ARHGAP21: variants seen among roughly 807,000 people sequenced by gnomAD.
The protein encoded by ARHGAP21 is Rho GTPase activating protein 21, also known as rho GTPase-activating protein 21.
In ARHGAP21, 38 loss-of-function variants were observed where a neutral mutation model predicts 164.6. The observed-to-expected ratio is 0.23, with a 90% CI of 0.18 to 0.30. The LOEUF is 0.30. Ranked by LOEUF, ARHGAP21 falls within the 10% of genes least tolerant of loss-of-function variation. The probability of loss-of-function intolerance (pLI) is 1.00; values close to 1 mark genes in which losing one functional copy is unlikely to be tolerated. For synonymous variants in ARHGAP21, 766 were observed against 857.9 expected, an observed-to-expected ratio of 0.89 and a Z score of 1.87; for missense variants, 1,822 against 2,370.7, an observed-to-expected ratio of 0.77 and a Z score of 4.81.
chr10:24,690,837 A>AAAT (rs1555011111), intron 2 of ARHGAP21, among the ~76,000 whole-genome samples: 8 of 147,204 alleles, frequency 5.4e-5, no homozygotes, highest in African/African-American at 1.7e-4. Flanking sequence ...CAAAAAAAAA[A>AAAT]ATATATATAT....
At chr10:24,628,952 C>CACTATATATATATATATA (rs1554977802) in intron 7 of ARHGAP21, 2 of 13,764 alleles carry the variant, frequency 1.5e-4, no homozygotes, top group Non-Finnish European at 2.2e-4. Flanking sequence ...CACACACACA[C>CACTATATATATATATATA]TATATATATA....
rs1379956006 is a variant in ARHGAP21, at chr10:24,723,858, C to T, written c.-677G>A. ...GCCGGGCCGGGCCGGGGCCCAGCTC[C>T]GGCGCCCGCGAACGCCAAGTGACAG... On this transcript the variant is annotated 5_prime_UTR_variant, in exon 1 of 26. Coordinates refer to ENST00000396432, the MANE Select transcript of ARHGAP21 (RefSeq NM_020824.4). Among the ~76,000 whole-genome samples, 1 of 150,786 alleles carries T rather than the reference C, an allele frequency of 6.6e-6. No individual in the cohort carries two copies. Among genetic ancestry groups the T allele is most frequent in the East Asian group, 2.0e-4 (1 of 5,080 alleles).
intron 7 of ARHGAP21, chr10:24,628,970 ATATATATATATATTTTTTTT>A (rs1565054539): frequency 1.4e-4 from 2 of 14,022 alleles, no homozygotes; most frequent in East Asian, 1.8e-3. Context: ...ATATATATAT[ATATATATATATATTTTTTTT>A]TTTTTTTTTT....
At chr10:24,592,686 TG>T (rs1396577781) in intron 21 of ARHGAP21, among the ~76,000 whole-genome samples, 2 of 149,438 alleles carry the variant, frequency 1.3e-5, no homozygotes, top group African/African-American at 5.0e-5. Flanking sequence ...GAGGCTGAGG[TG>T]GGAGGAGGTC....
At chr10:24,626,825 A>G (rs1027235042) in intron 7 of ARHGAP21, among the ~76,000 whole-genome samples, 5 of 152,248 alleles carry the variant, frequency 3.3e-5, no homozygotes, top group African/African-American at 1.2e-4. Context: ...ACAACAAAAT[A>G]CTGTTAAAAT....
chr10:24,720,254 CAA>C (rs55746821), intron 2 of ARHGAP21, among the ~76,000 whole-genome samples: 5 of 133,820 alleles, frequency 3.7e-5, no homozygotes, highest in Admixed American at 7.5e-5. Context: ...CTTAAATGAC[CAA>C]AAAAAAAAAA....
chr10:24,703,630 A>G (rs1440805931), intron 2 of ARHGAP21, among the ~76,000 whole-genome samples: 1 of 152,184 alleles, frequency 6.6e-6, no homozygotes, highest in Non-Finnish European at 1.5e-5. Flanking sequence ...CAGAATTCTC[A>G]GTATGCAACC....
intron 12 of ARHGAP21, 24 bp downstream of exon 12, chr10:24,604,288 A>T (rs1022048130): frequency 1.3e-6 from 2 of 1,526,560 alleles, no homozygotes; most frequent in African/African-American, 2.8e-5. Flanking sequence ...AAACTAAGGT[A>T]AGTAGAAACA....
chr10:24,689,845 T>C (rs1275362922), intron 2 of ARHGAP21, among the ~76,000 whole-genome samples: 1 of 148,560 alleles, frequency 6.7e-6, no homozygotes, highest in East Asian at 1.9e-4. Flanking sequence ...TGTATATATA[T>C]GTATATATGT....
chr10:24,586,686 G>C (rs1592908233), intron 25 of ARHGAP21, among the ~76,000 whole-genome samples: 1 of 152,186 alleles, frequency 6.6e-6, no homozygotes, highest in East Asian at 1.9e-4. Flanking sequence ...GGATCTTCAA[G>C]GATCTGCCTT....
At chr10:24,643,502 A>T (rs1837281486) in intron 4 of ARHGAP21, among the ~76,000 whole-genome samples, 1 of 152,152 alleles carries the variant, frequency 6.6e-6, no homozygotes, top group Non-Finnish European at 1.5e-5. Flanking sequence ...CTAAACTATC[A>T]GTCTCCCTCC....
intron 7 of ARHGAP21, among the ~76,000 whole-genome samples, chr10:24,626,491 G>A (rs776783450): frequency 3.3e-5 from 5 of 152,070 alleles, no homozygotes; most frequent in Admixed American, 6.6e-5. Flanking sequence ...CAGTGAAAAG[G>A]TACTATCTAT....
rs1472764607 is a variant in ARHGAP21 at position 24,622,770 on chromosome 10, A to C, written c.496-8T>G. ...ATCCTTTGTAAACTGTAGCTAGCAG[A>C]AAATAGGAAAACATAGTAGAAGCTG... On this transcript the variant is annotated splice_polypyrimidine_tract_variant and splice_region_variant and intron_variant, in intron 7 of 25. Coordinates refer to ENST00000396432, the MANE Select transcript of ARHGAP21 (RefSeq NM_020824.4). 6.2e-7 allele frequency: 1 copy of C among 1,610,358 alleles called. No individual in the cohort carries two copies. Among genetic ancestry groups the C allele is most frequent in the East Asian group, 2.2e-5 (1 of 44,716 alleles).
chr10:24,675,340 G>A (rs1317394708), intron 2 of ARHGAP21, among the ~76,000 whole-genome samples: 1 of 152,192 alleles, frequency 6.6e-6, no homozygotes, highest in African/African-American at 2.4e-5. Context: ...AGTACATACT[G>A]TATGCTCCAT....
At position 24,620,286 on chromosome 10, in the gene ARHGAP21, T is replaced by C. The variant is rs565906243; in HGVS notation, c.1609A>G (p.Arg537Gly). 1.9e-5 allele frequency: 30 copies of C among 1,614,016 alleles called. No homozygotes were observed. The highest frequency in any genetic ancestry group is 5.0e-5 in the Admixed American group (3 of 60,018). The change falls in exon 9 of 26, where the codon AGA becomes GGA. Residue 537 changes from arginine to glycine, a missense_variant. Coordinates refer to ENST00000396432, the MANE Select transcript of ARHGAP21 (RefSeq NM_020824.4). ...CTAGGTCTTTCACAAATACCTCGTC[T>C]ATCATCCTGTTCAGTAAACCCACTC... ...KWSGFTEQDD[R>G]RGICERPRQQ...
chr10:24,650,476 T>G (rs79524038), intron 4 of ARHGAP21, among the ~76,000 whole-genome samples: 1 of 152,206 alleles, frequency 6.6e-6, no homozygotes, highest in Non-Finnish European at 1.5e-5. Context: ...GACTTCGATG[T>G]GCTTGCATAT....
At chr10:24,597,912 C>A (rs1175711201) in intron 15 of ARHGAP21, 33 bp downstream of exon 15, 5 of 1,593,474 alleles carry the variant, frequency 3.1e-6, no homozygotes, top group Non-Finnish European at 4.3e-6. Context: ...GATTTTATAT[C>A]CAAATTAACT....
At chr10:24,711,547 A>T (rs1412901797) in intron 2 of ARHGAP21, among the ~76,000 whole-genome samples, 1 of 152,200 alleles carries the variant, frequency 6.6e-6, no homozygotes, top group Non-Finnish European at 1.5e-5. Context: ...TCTTTTCCTT[A>T]TTTGAGAATC....
Position 24,622,726 on chromosome 10 carries a change from T to G in ARHGAP21, c.525+7A>C, listed in dbSNP as rs1834705436. On this transcript the variant is annotated splice_region_variant and intron_variant, in intron 8 of 25. Transcript: ENST00000396432. Reference sequence around the variant, plus strand: ...AAGCAAGGAAATGGCTACTGTGCATTTCTTACCAGTGCTGTGACATCCTTT... The same window carrying G: ...AAGCAAGGAAATGGCTACTGTGCATGTCTTACCAGTGCTGTGACATCCTTT... 2 of 1,610,520 alleles carry G rather than the reference T, an allele frequency of 1.2e-6. No individual in the cohort carries two copies. The highest frequency in any genetic ancestry group is 1.7e-6 in the Non-Finnish European group (2 of 1,178,734).
Sources: gnomAD v4.1 joint callset for allele counts (sites outside exome capture counted in the v4.1 genomes callset) on GRCh38, gnomAD v4.1.1 for gene constraint, MANE v1.5 for transcripts, NCBI Gene and HGNC (gene_info 2026-07-23, HGNC 2026-07-21) for gene names.